The following JAKMIP2 variants were observed in gnomAD, a reference collection of about 807,000 sequenced individuals.
JAKMIP2 encodes janus kinase and microtubule interacting protein 2.
Under a neutral mutation model 115.0 loss-of-function variants are expected in JAKMIP2, and 25 were observed. The ratio of observed to expected loss-of-function variants is 0.22; its 90% CI spans 0.16 to 0.30. The LOEUF is 0.30. JAKMIP2 is among the 10% of genes least tolerant of loss of function. The pLI is 1.00. For missense variants in JAKMIP2, 642 were observed against 957.6 expected (o/e 0.67, Z 4.35); for synonymous variants, 334 against 343.6 (o/e 0.97, Z 0.31).
rs1757489305 is a variant in JAKMIP2 at position 147,633,957 on chromosome 5, T to TAGGATTA, written c.1678-1186_1678-1180dup. Among the ~76,000 whole-genome samples, 4 of 152,296 alleles carry TAGGATTA rather than the reference T, an allele frequency of 2.6e-5. No individual in the cohort carries two copies. In the South Asian group the frequency reaches 6.2e-4, roughly 24 times the overall value. ...CACCCGCCTCGGCCTCCCAATGTGC[T>TAGGATTA]AGGATTACAGGCGTGAGCCATTGTG... On this transcript the variant is annotated intron_variant, in intron 12 of 21. Coordinates refer to ENST00000616793, the MANE Select transcript of JAKMIP2 (RefSeq NM_001270941.2).
intron 20 of JAKMIP2, among the ~76,000 whole-genome samples, chr5:147,606,052 G>GT (rs1755995058): frequency 6.6e-6 from 1 of 152,086 alleles, no homozygotes; most frequent in African/African-American, 2.4e-5. Flanking sequence ...TTGTAAATTT[G>GT]TTTAAGTTCC....
chr5:147,657,364 G>A (rs943267854), intron 3 of JAKMIP2, among the ~76,000 whole-genome samples: 2 of 152,252 alleles, frequency 1.3e-5, no homozygotes, highest in Non-Finnish European at 2.9e-5. Context: ...TTTCTGTTGA[G>A]AGATCCGCTG....
At chr5:147,675,182 A>G (rs139280265) in intron 1 of JAKMIP2, among the ~76,000 whole-genome samples, 1 of 152,176 alleles carries the variant, frequency 6.6e-6, no homozygotes, top group South Asian at 2.1e-4. Context: ...GCCGGACTTT[A>G]TATATTTTTA....
chr5:147,659,215 T>C (rs1186988346), intron 3 of JAKMIP2, among the ~76,000 whole-genome samples: 2 of 152,112 alleles, frequency 1.3e-5, no homozygotes, highest in Admixed American at 6.5e-5. Context: ...GGATTGCAAG[T>C]GTCCATGGGA....
intron 19 of JAKMIP2, among the ~76,000 whole-genome samples, chr5:147,612,716 T>G (rs1018214235): frequency 1.8e-4 from 28 of 152,204 alleles, no homozygotes; most frequent in Non-Finnish European, 8.8e-5. Context: ...GGAATGCAAG[T>G]TGGAATAAGA....
At chr5:147,747,931 G>A (rs1754403629) in intron 1 of JAKMIP2, among the ~76,000 whole-genome samples, 1 of 152,128 alleles carries the variant, frequency 6.6e-6, no homozygotes, top group African/African-American at 2.4e-5. Flanking sequence ...TTGACTTGCT[G>A]GCATATATTC....
At chr5:147,695,876 A>C (rs908802905) in intron 1 of JAKMIP2, among the ~76,000 whole-genome samples, 2 of 152,210 alleles carry the variant, frequency 1.3e-5, no homozygotes, top group South Asian at 4.1e-4. Flanking sequence ...AAAATTACAT[A>C]GAATAACACA....
chr5:147,631,578 G>T, intron 13 of JAKMIP2, 67 bp from the exon 14 acceptor site: 1 of 1,020,644 alleles, frequency 9.8e-7, no homozygotes, highest in Non-Finnish European at 1.5e-6. Context: ...CTAAACCAGT[G>T]GTCTCTTTAT....
At chr5:147,725,322 GGT>G (rs573413201) in intron 1 of JAKMIP2, among the ~76,000 whole-genome samples, 61 of 152,228 alleles carry the variant, frequency 4.0e-4, no homozygotes, top group African/African-American at 1.4e-3. Flanking sequence ...AGTATAAACA[GGT>G]GAGCAGCCCA....
At chr5:147,652,771 C>T (rs1012808680) in intron 3 of JAKMIP2, among the ~76,000 whole-genome samples, 5 of 152,096 alleles carry the variant, frequency 3.3e-5, no homozygotes, top group African/African-American at 4.8e-5. Context: ...ATACATGTGC[C>T]ATCGTGGCTT....
chr5:147,680,660 C>T (rs1760211720), intron 1 of JAKMIP2, among the ~76,000 whole-genome samples: 1 of 152,150 alleles, frequency 6.6e-6, no homozygotes, highest in Admixed American at 6.5e-5. Context: ...ATGAAGTAAA[C>T]TTGCATACTT....
intron 4 of JAKMIP2, among the ~76,000 whole-genome samples, chr5:147,649,262 AG>A (rs1758277253): frequency 6.6e-6 from 1 of 152,224 alleles, no homozygotes; most frequent in Admixed American, 6.5e-5. Context: ...TCAGTAGAAC[AG>A]GTAAAATTCA....
intron 21 of JAKMIP2, among the ~76,000 whole-genome samples, chr5:147,598,460 C>CT (rs1554123556): frequency 0.67 from 90,042 of 134,088 alleles, 29,051 homozygotes; most frequent in Non-Finnish European, 0.76. Context: ...ATCTATCTAT[C>CT]ATCTATCTAT....
chr5:147,772,442 G>A (rs1317717478), intron 1 of JAKMIP2, among the ~76,000 whole-genome samples: 2 of 151,736 alleles, frequency 1.3e-5, no homozygotes, highest in Non-Finnish European at 2.9e-5. Flanking sequence ...GGGTGGTGGG[G>A]GGCAGGCTAG....
intron 1 of JAKMIP2, among the ~76,000 whole-genome samples, chr5:147,704,618 G>T (rs1002931976): frequency 1.3e-5 from 2 of 152,124 alleles, no homozygotes; most frequent in Non-Finnish European, 2.9e-5. Flanking sequence ...TCTCCCAGAA[G>T]ATTAAATTAG....
chr5:147,612,298 A>T lies in JAKMIP2; in HGVS notation c.2412+8T>A. On this transcript the variant is annotated splice_region_variant and intron_variant, in intron 20 of 21. Coordinates refer to ENST00000616793, the MANE Select transcript of JAKMIP2 (RefSeq NM_001270941.2). ...AATAATAAGATAGTTATTGAATTTG[A>T]CACCTACCTTTTCTTCTAAGTCTTT... The T allele has an allele frequency of 6.7e-7, 1 of 1,493,182 alleles. No individual in the cohort carries two copies. Among genetic ancestry groups the T allele is most frequent in the Non-Finnish European group, 9.3e-7 (1 of 1,075,168 alleles). 92.5% of individuals were successfully genotyped at this position (1,493,182 alleles called of 1,614,324 possible).
At chr5:147,711,928 C>T (rs72835155) in intron 1 of JAKMIP2, among the ~76,000 whole-genome samples, 24,422 of 152,068 alleles carry the variant, frequency 0.16, 2,263 homozygotes, top group African/African-American at 0.25. Flanking sequence ...TCGGACACCG[C>T]GCCCAGCCCA....
At chr5:147,704,593 T>C (rs576038786) in intron 1 of JAKMIP2, among the ~76,000 whole-genome samples, 1 of 151,872 alleles carries the variant, frequency 6.6e-6, no homozygotes, top group Non-Finnish European at 1.5e-5. Context: ...AACCAGGGAG[T>C]GAGGAATGAT....
chr5:147,776,977 C>A (rs1269063986), intron 1 of JAKMIP2, among the ~76,000 whole-genome samples: 3 of 152,042 alleles, frequency 2.0e-5, no homozygotes, highest in African/African-American at 7.2e-5. Context: ...AACTACACGA[C>A]ATACCACTAC....
Sources: gnomAD v4.1 joint callset for allele counts (sites outside exome capture counted in the v4.1 genomes callset) on GRCh38, gnomAD v4.1.1 for gene constraint, MANE v1.5 for transcripts, NCBI Gene and HGNC (gene_info 2026-07-23, HGNC 2026-07-21) for gene names.